SLC6A3: variants seen among roughly 807,000 people sequenced by gnomAD.
SLC6A3 encodes the protein solute carrier family 6 member 3, also known as sodium-dependent dopamine transporter.
In SLC6A3, 19 loss-of-function variants were observed where a neutral mutation model predicts 70.4. That is an observed-to-expected ratio of 0.27 (90% CI 0.19 to 0.40). The LOEUF (loss-of-function observed/expected upper bound fraction) is 0.40, where lower values mean the gene tolerates loss of function less well. Among genes scored for constraint, SLC6A3 ranks in the 10% least tolerant of loss-of-function variants. The pLI is 1.00. For missense variants in SLC6A3, 613 were observed against 838.5 expected (o/e 0.73, Z 3.32); for synonymous variants, 368 against 356.6 (o/e 1.03, Z -0.36).
Position 1,394,937 on chromosome 5 carries a change from G to A in SLC6A3, c.1840-179C>T, listed in dbSNP as rs1386123219. On this transcript the variant is annotated intron_variant, in intron 14 of 14. Transcript: ENST00000270349. This position sits in a 1 kb window ranked among gnomAD's most constrained non-coding sequence, Gnocchi z 4.7. ...GACCAACACACCCTTGACAGGTGCC[G>A]GGGATCCGATGCCTCACTCAAACTC... Among the ~76,000 whole-genome samples the A allele has an allele frequency of 3.3e-5, 5 of 152,284 alleles. No homozygotes were observed. Among genetic ancestry groups the A allele is most frequent in the African/African-American group, 9.6e-5 (4 of 41,574 alleles).
chr5:1,394,551 C>T lies in SLC6A3; in HGVS notation c.*184G>A, dbSNP rs565442763. ...CAGCAACACAAGACACGGCGAGGTG[C>T]GCTCCCGGCACGGAAAGGTGTAAAC... On this transcript the variant is annotated 3_prime_UTR_variant, in exon 15 of 15. Transcript: ENST00000270349. The surrounding 1 kb of genome is among the most constrained non-coding windows in gnomAD (Gnocchi z 4.7). The T allele has an allele frequency of 4.8e-5, 34 of 711,718 alleles. No individual in the cohort carries two copies. The highest frequency in any genetic ancestry group is 4.1e-4 in the South Asian group (27 of 66,400). 44.1% of individuals were successfully genotyped at this position (711,718 alleles called of 1,614,324 possible).
At position 1,439,165 on chromosome 5, in the gene SLC6A3, T is replaced by C. The variant is rs1022086201; in HGVS notation, c.418+2194A>G. On this transcript the variant is annotated intron_variant, in intron 3 of 14. Coordinates refer to ENST00000270349, the MANE Select transcript of SLC6A3 (RefSeq NM_001044.5). ...TTCCGTTGGCTGCTGCATTCTTCCATTGGGGACCTGATATCAGGGACCTGA... is the reference window on the plus strand; with the variant it reads ...TTCCGTTGGCTGCTGCATTCTTCCACTGGGGACCTGATATCAGGGACCTGA... 6.8e-4 allele frequency among the ~76,000 whole-genome samples: 104 copies of C among 152,246 alleles called. 1 individual carries two copies. Among genetic ancestry groups the C allele is most frequent in the South Asian group, 8.3e-4 (4 of 4,824 alleles).
rs1055485053 is a variant in SLC6A3, at chr5:1,438,322, G to C, written c.418+3037C>G. Among the ~76,000 whole-genome samples, 2 of 152,270 alleles carry C rather than the reference G, an allele frequency of 1.3e-5. No individual in the cohort carries two copies. Among genetic ancestry groups the C allele is most frequent in the African/African-American group, 4.8e-5 (2 of 41,476 alleles). On this transcript the variant is annotated intron_variant, in intron 3 of 14. Coordinates refer to ENST00000270349, the MANE Select transcript of SLC6A3 (RefSeq NM_001044.5). The surrounding 1 kb of genome is among the most constrained non-coding windows in gnomAD (Gnocchi z 6.5). Reference sequence around the variant, plus strand: ...CTCTGGGACTAGTCTTCAGAACGAAGCTGGCGGCATGGAATGCGGGATTGT... The same window carrying C: ...CTCTGGGACTAGTCTTCAGAACGAACCTGGCGGCATGGAATGCGGGATTGT...
chr5:1,430,430 C>T (rs1310204461), intron 4 of SLC6A3, among the ~76,000 whole-genome samples: 1 of 152,224 alleles, frequency 6.6e-6, no homozygotes, highest in African/African-American at 2.4e-5. Flanking sequence ...GCTTCCATGC[C>T]CGAGGAGGAA....
At position 1,411,416 on chromosome 5, in the gene SLC6A3, C is replaced by T. The variant is rs932896274; in HGVS notation, c.1157-61G>A. ...ACGCTGTGCTCTCCCGCCCATCCTG[C>T]CCCACCCCGCCCCGAGAAGCATGGC... On this transcript the variant is annotated intron_variant, in intron 8 of 14. Transcript: ENST00000270349. The surrounding 1 kb of genome is among the most constrained non-coding windows in gnomAD (Gnocchi z 6.5). The T allele has an allele frequency of 6.5e-6, 8 of 1,224,846 alleles. No homozygotes were observed. The highest frequency in any genetic ancestry group is 2.4e-4 in the Middle Eastern group (1 of 4,086). 75.9% of individuals were successfully genotyped at this position (1,224,846 alleles called of 1,614,324 possible).
intron 4 of SLC6A3, among the ~76,000 whole-genome samples, chr5:1,431,709 ACAGTGAGGGTTGGGCCTGGCTGGGGTGGG>A (rs1309687176): frequency 6.6e-6 from 1 of 151,620 alleles, no homozygotes; most frequent in Non-Finnish European, 1.5e-5. Context: ...GCTGGGGTGG[ACAGTGAGGGTTGGGCCTGGCTGGGGTGGG>A]CAGTGAGGAA....
At position 1,411,242 on chromosome 5, in the gene SLC6A3, C is replaced by T. The variant is rs431905504; in HGVS notation, c.1269+1G>A. On this transcript the variant is annotated splice_donor_variant, in intron 9 of 14. Coordinates refer to ENST00000270349, the MANE Select transcript of SLC6A3 (RefSeq NM_001044.5). LOFTEE classifies it high-confidence loss of function. The surrounding 1 kb of genome is among the most constrained non-coding windows in gnomAD (Gnocchi z 6.5). ...AGGGCCGGGCGGTGCGGGTTACTCA[C>T]GGCGCTGTCGATACCCAGGGTGAGC... The T allele has an allele frequency of 3.2e-6, 5 of 1,545,750 alleles. No homozygotes were observed. The highest frequency in any genetic ancestry group is 1.4e-5 in the African/African-American group (1 of 73,052).
At chr5:1,414,898 T>A (rs1247315596) in intron 7 of SLC6A3, 83 bp from the exon 8 acceptor site, 14 of 1,577,230 alleles carry the variant, frequency 8.9e-6, no homozygotes, top group Non-Finnish European at 1.0e-5. Flanking sequence ...TAATTTACTG[T>A]GTCTGGGGAA....
chr5:1,442,504 C>G lies in SLC6A3; in HGVS notation c.286+408G>C, dbSNP rs1170742392. Among the ~76,000 whole-genome samples, 1 of 152,330 alleles carries G rather than the reference C, an allele frequency of 6.6e-6. No individual in the cohort carries two copies. The highest frequency in any genetic ancestry group is 1.5e-5 in the Non-Finnish European group (1 of 68,028). On this transcript the variant is annotated intron_variant, in intron 2 of 14. Coordinates refer to ENST00000270349, the MANE Select transcript of SLC6A3 (RefSeq NM_001044.5). The surrounding 1 kb of genome is among the most constrained non-coding windows in gnomAD (Gnocchi z 5.0). Reference sequence around the variant, plus strand: ...CACAGTCACTTTCCAGGGGCCTCCTCTGCCACTCCAGGCTCCAGGGCCTCC... The same window carrying G: ...CACAGTCACTTTCCAGGGGCCTCCTGTGCCACTCCAGGCTCCAGGGCCTCC...
Position 1,402,949 on chromosome 5 carries a change from G to A in SLC6A3, c.1740C>T (p.Phe580=), listed in dbSNP as rs768797713. 1.2e-6 allele frequency: 2 copies of A among 1,613,984 alleles called. No individual in the cohort carries two copies. The highest frequency in any genetic ancestry group is 1.3e-5 in the African/African-American group (1 of 75,054). ...AMVPIYAAYK[F]CSLPGSFREK... is the part of the protein sequence containing the mutation. Reference sequence around the variant, plus strand: ...CTCGAAAGGACCCAGGCAGGCTGCAGAACTTGTAGGCCGCATAGATGGGCA... The same window carrying A: ...CTCGAAAGGACCCAGGCAGGCTGCAAAACTTGTAGGCCGCATAGATGGGCA... Residue 580 remains phenylalanine, a synonymous_variant, in exon 13 of 15, where the codon TTC becomes TTT. Transcript: ENST00000270349. The surrounding 1 kb of genome is among the most constrained non-coding windows in gnomAD (Gnocchi z 8.5).
In SLC6A3 at chr5:1,401,701, G is replaced by A. The variant is rs942750145; in HGVS notation, c.1768-715C>T. 6.6e-5 allele frequency among the ~76,000 whole-genome samples: 10 copies of A among 151,882 alleles called. No homozygotes were observed. Among genetic ancestry groups the A allele is most frequent in the Non-Finnish European group, 1.2e-4 (8 of 68,032 alleles). ...CGTTCAGAGTTTGGCCATGCGAGGG[G>A]TAAGGGCGCTGGCTGTTCAGGTCCG... On this transcript the variant is annotated intron_variant, in intron 13 of 14. Coordinates refer to ENST00000270349, the MANE Select transcript of SLC6A3 (RefSeq NM_001044.5). The surrounding 1 kb of genome is among the most constrained non-coding windows in gnomAD (Gnocchi z 6.1).
At chr5:1,412,491 G>A (rs576232920) in intron 8 of SLC6A3, among the ~76,000 whole-genome samples, 3 of 152,362 alleles carry the variant, frequency 2.0e-5, no homozygotes, top group Admixed American at 6.5e-5. Flanking sequence ...CAGCTCTCTC[G>A]GGAAACGACA....
intron 7 of SLC6A3, 37 bp from the exon 8 acceptor site, chr5:1,414,852 G>A (rs778887442): frequency 1.2e-6 from 2 of 1,612,318 alleles, no homozygotes; most frequent in East Asian, 2.2e-5. Flanking sequence ...GGAACCAGCT[G>A]AGCTGCAGCA....
intron 3 of SLC6A3, among the ~76,000 whole-genome samples, chr5:1,434,178 G>C (rs999030369): frequency 2.6e-5 from 4 of 152,152 alleles, no homozygotes; most frequent in African/African-American, 9.7e-5. Flanking sequence ...GACCATCCAG[G>C]GTTTCCTAGA....
intron 4 of SLC6A3, among the ~76,000 whole-genome samples, chr5:1,429,543 G>A (rs945235035): frequency 2.6e-5 from 4 of 152,082 alleles, no homozygotes; most frequent in Non-Finnish European, 5.9e-5. Context: ...TCTTAACAAC[G>A]AATCACTGGA....
rs751182754 is a variant in SLC6A3 at position 1,402,903 on chromosome 5, G to A, written c.1767+19C>T. On this transcript the variant is annotated intron_variant, in intron 13 of 14. Coordinates refer to ENST00000270349, the MANE Select transcript of SLC6A3 (RefSeq NM_001044.5). The surrounding 1 kb of genome is among the most constrained non-coding windows in gnomAD (Gnocchi z 8.5). ...GGTGGCCTCACACTCGGGTGAAGGC[G>A]CCCCGTCCAAATACCCACCTCTCGA... The A allele has an allele frequency of 3.4e-5, 54 of 1,611,602 alleles. No homozygotes were observed. Among genetic ancestry groups the A allele is most frequent in the Admixed American group, 3.3e-5 (2 of 59,944 alleles).
At chr5:1,407,055 A>T (rs1158165889) in intron 11 of SLC6A3, among the ~76,000 whole-genome samples, 1 of 152,198 alleles carries the variant, frequency 6.6e-6, no homozygotes, top group African/African-American at 2.4e-5. Context: ...GAAACATAAT[A>T]AACATTTTTT....
At chr5:1,407,411 C>A (rs1756009867) in intron 11 of SLC6A3, among the ~76,000 whole-genome samples, 1 of 152,222 alleles carries the variant, frequency 6.6e-6, no homozygotes, top group Admixed American at 6.5e-5. Context: ...GGCCCCTCGG[C>A]CCCCAGACCC....
At chr5:1,445,112 G>GGGCT in intron 1 of SLC6A3, among the ~76,000 whole-genome samples, 2 of 152,202 alleles carry the variant, frequency 1.3e-5, no homozygotes, top group Non-Finnish European at 2.9e-5. Context: ...TGAGCCTGGA[G>GGGCT]CGGGGCCAGG....
Sources: gnomAD v4.1 joint callset for allele counts (sites outside exome capture counted in the v4.1 genomes callset) on GRCh38, gnomAD v4.1.1 for gene constraint, Gnocchi (gnomAD v3.1) non-coding constraint, MANE v1.5 for transcripts, NCBI Gene and HGNC (gene_info 2026-07-23, HGNC 2026-07-21) for gene names.